Variants in TRIM37 observed in about 807,000 individuals in gnomAD.
TRIM37 encodes the protein E3 ubiquitin-protein ligase TRIM37.
TRIM37 carries 80 observed loss-of-function variants against 129.8 expected under a neutral mutation model. That is an observed-to-expected ratio of 0.62 (90% CI 0.51 to 0.74). TRIM37 has a LOEUF of 0.74. TRIM37 is among the 30% of genes least tolerant of loss of function. TRIM37 has a pLI of 0.00. For missense variants in TRIM37, 1,054 were observed against 1,176.5 expected (o/e 0.90, Z 1.52); for synonymous variants, 389 against 387.1 (o/e 1.00, Z -0.06).
chr17:59,006,004 T>C (rs1427939608), intron 22 of TRIM37, among the ~76,000 whole-genome samples: 1 of 152,202 alleles, frequency 6.6e-6, no homozygotes, highest in Non-Finnish European at 1.5e-5. Context: ...CCTAAGTAGA[T>C]TCCTTCAAAT....
At chr17:59,042,935 C>T (rs2039415395) in intron 16 of TRIM37, among the ~76,000 whole-genome samples, 1 of 151,968 alleles carries the variant, frequency 6.6e-6, no homozygotes, top group African/African-American at 2.4e-5. Context: ...ATACAAGAAC[C>T]ACTGTTAGAA....
At chr17:59,086,663 A>G (rs1363694784) in intron 4 of TRIM37, among the ~76,000 whole-genome samples, 2 of 152,252 alleles carry the variant, frequency 1.3e-5, no homozygotes, top group African/African-American at 4.8e-5. Context: ...TGGGAAATGA[A>G]TAAGAGTTAG....
downstream of TRIM37, chr17:58,982,080 C>T (rs977555912): frequency 1.3e-5 from 2 of 152,440 alleles, no homozygotes; most frequent in African/African-American, 4.8e-5. Context: ...ATGAAGGAGG[C>T]TGAAAGTATT....
intron 14 of TRIM37, 126 bp downstream of exon 14, chr17:59,051,088 A>G (rs1199711213): frequency 1.0e-5 from 7 of 692,630 alleles, no homozygotes; most frequent in African/African-American, 7.2e-5. Flanking sequence ...CAAGATAACT[A>G]GATTTTTTTT....
chr17:59,034,195 G>C (rs1044715190), intron 17 of TRIM37, among the ~76,000 whole-genome samples: 1 of 151,724 alleles, frequency 6.6e-6, no homozygotes, highest in Non-Finnish European at 1.5e-5. Context: ...AAGTCCAGTA[G>C]CCCAGTGAAT....
chr17:59,050,025 A>G (rs998218753), intron 14 of TRIM37, among the ~76,000 whole-genome samples: 18 of 152,182 alleles, frequency 1.2e-4, no homozygotes, highest in African/African-American at 4.3e-4. Flanking sequence ...TCCCTGACCT[A>G]TTAACGACTC....
chr17:59,090,390 C>T (rs1438986247), intron 3 of TRIM37, among the ~76,000 whole-genome samples: 1 of 151,112 alleles, frequency 6.6e-6, no homozygotes, highest in Non-Finnish European at 1.5e-5. Context: ...ATCACATACG[C>T]ATATATATAT....
chr17:59,080,716 G>A (rs752352269), intron 6 of TRIM37, among the ~76,000 whole-genome samples: 6 of 152,112 alleles, frequency 3.9e-5, no homozygotes, highest in African/African-American at 1.2e-4. Context: ...ACTTGAGCCC[G>A]GGAGGTGGAG....
chr17:59,075,244 T>C (rs945927783), intron 8 of TRIM37, among the ~76,000 whole-genome samples: 12 of 151,674 alleles, frequency 7.9e-5, no homozygotes, highest in East Asian at 1.9e-4. Flanking sequence ...ATACAGATAA[T>C]CTCTGTCAAA....
chr17:58,985,413 G>A (rs562482510), intron 24 of TRIM37, among the ~76,000 whole-genome samples: 4 of 152,300 alleles, frequency 2.6e-5, no homozygotes, highest in African/African-American at 9.6e-5. Flanking sequence ...AGAGGGAGTG[G>A]TGTTATAATC....
At position 59,079,768 on chromosome 17, in the gene TRIM37, A is replaced by T. The variant is rs1204451731; in HGVS notation, c.602T>A (p.Leu201His). 1 of 1,614,022 alleles carries T rather than the reference A, an allele frequency of 6.2e-7. No individual in the cohort carries two copies. Among genetic ancestry groups the T allele is most frequent in the Non-Finnish European group, 8.5e-7 (1 of 1,179,936 alleles). The change falls in exon 7 of 24, where the codon CTT becomes CAT. Residue 201 changes from leucine (L) to histidine (H), a missense_variant. Physicochemically the swap from Leu to His is moderately conservative, Grantham distance 99 (BLOSUM62 -3). This residue lies in a region of TRIM37 where 752 missense variants were observed against 870.8 expected (regional missense o/e 0.86). Coordinates refer to ENST00000262294, the MANE Select transcript of TRIM37 (RefSeq NM_015294.6). Reference protein sequence around the residue: ...ARLDTQLKNKLITLMGQKTSL... With the variant: ...ARLDTQLKNKHITLMGQKTSL... Reference sequence around the variant, plus strand: ...TAAACACTTACCCATCAGTGTTATAAGCTTATTCTTCAGCTGTGTGTCTAA... The same window carrying T: ...TAAACACTTACCCATCAGTGTTATATGCTTATTCTTCAGCTGTGTGTCTAA...
intron 19 of TRIM37, among the ~76,000 whole-genome samples, chr17:59,018,421 A>G (rs1170893151): frequency 8.5e-5 from 13 of 152,222 alleles, no homozygotes; most frequent in Admixed American, 8.5e-4. Flanking sequence ...TGGTTGCAGG[A>G]TATAAGACAA....
intron 20 of TRIM37, among the ~76,000 whole-genome samples, chr17:59,016,279 A>C (rs1376504706): frequency 1.3e-5 from 2 of 150,786 alleles, no homozygotes; most frequent in African/African-American, 4.9e-5. Context: ...TTGTAGTCCC[A>C]GTTACTCAGG....
intron 2 of TRIM37, among the ~76,000 whole-genome samples, chr17:59,093,624 T>C (rs917551070): frequency 6.6e-6 from 1 of 152,238 alleles, no homozygotes; most frequent in Non-Finnish European, 1.5e-5. Flanking sequence ...TGCTAGACTA[T>C]AAAACTTATA....
At chr17:59,060,767 T>A (rs780293840) in intron 12 of TRIM37, among the ~76,000 whole-genome samples, 1 of 152,132 alleles carries the variant, frequency 6.6e-6, no homozygotes, top group African/African-American at 2.4e-5. Flanking sequence ...TTTAAAAAAA[T>A]TGAATATAAA....
chr17:58,978,103 G>A (rs2031131636), downstream of TRIM37, among the ~76,000 whole-genome samples: 1 of 152,164 alleles, frequency 6.6e-6, no homozygotes, highest in South Asian at 2.1e-4. Context: ...GATTACTCAA[G>A]TGAGTTTATC....
chr17:59,067,239 T>A (rs905024817), intron 9 of TRIM37, among the ~76,000 whole-genome samples: 3 of 152,214 alleles, frequency 2.0e-5, no homozygotes, highest in Non-Finnish European at 4.4e-5. Flanking sequence ...ACTGATGTTA[T>A]CATTCTGTGT....
chr17:59,091,508 AT>A (rs2044322492), intron 2 of TRIM37, among the ~76,000 whole-genome samples, 168 bp from the exon 3 acceptor site: 1 of 98,316 alleles, frequency 1.0e-5, no homozygotes, highest in Non-Finnish European at 2.0e-5. Flanking sequence ...TATATAACAT[AT>A]CATATATATA....
intron 2 of TRIM37, among the ~76,000 whole-genome samples, chr17:59,099,743 A>C (rs2045282421): frequency 6.6e-6 from 1 of 152,246 alleles, no homozygotes; most frequent in Non-Finnish European, 1.5e-5. Context: ...TGTTAGCATT[A>C]ATGTGGAGGA....
Sources: allele counts gnomAD v4.1 joint callset (sites outside exome capture counted in the v4.1 genomes callset), GRCh38; gene constraint gnomAD v4.1.1; regional missense constraint gnomAD v4.1.1; transcripts MANE v1.5; gene names NCBI Gene and HGNC (gene_info 2026-07-23, HGNC 2026-07-21).